SAFB2: variants seen among roughly 807,000 people sequenced by gnomAD.
SAFB2 encodes scaffold attachment factor B2.
A neutral mutation model predicts 100.6 loss-of-function variants in SAFB2; 32 were observed. That is an observed-to-expected ratio of 0.32 (90% CI 0.24 to 0.43). The LOEUF (loss-of-function observed/expected upper bound fraction) is 0.43. SAFB2 is among the 20% of genes least tolerant of loss of function. The pLI, the probability that SAFB2 is intolerant of heterozygous loss-of-function variation, is 1.00. For synonymous variants in SAFB2, 500 were observed against 439.4 expected (o/e 1.14, Z -1.72); for missense variants, 1,185 against 1,163.4 (o/e 1.02, Z -0.27).
intron 9 of SAFB2, 121 bp downstream of exon 9, chr19:5,609,874 G>A: frequency 1.2e-6 from 1 of 829,118 alleles, no homozygotes; most frequent in Non-Finnish European, 2.0e-6. Context: ...CTGGGCTCAA[G>A]CAATCCTCCT....
At chr19:5,598,193 T>C (rs1199769362) in intron 13 of SAFB2, among the ~76,000 whole-genome samples, 1 of 150,880 alleles carries the variant, frequency 6.6e-6, no homozygotes, top group Non-Finnish European at 1.5e-5. Context: ...TGGCTGAATA[T>C]GGTGAACTCC....
At chr19:5,599,898 G>A (rs1265737036) in intron 12 of SAFB2, among the ~76,000 whole-genome samples, 1 of 152,206 alleles carries the variant, frequency 6.6e-6, no homozygotes, top group Non-Finnish European at 1.5e-5. Context: ...TCAGGCAGCT[G>A]AGTTCAGCAA....
At chr19:5,612,244 T>TA (rs1451321121) in intron 6 of SAFB2, 1 of 471,022 alleles carries the variant, frequency 2.1e-6, no homozygotes, top group Non-Finnish European at 3.8e-6. Context: ...GTTTCATGTG[T>TA]AGAAACACAT....
intron 18 of SAFB2, among the ~76,000 whole-genome samples, chr19:5,588,312 G>A (rs1372680314): frequency 6.6e-6 from 1 of 152,182 alleles, no homozygotes; most frequent in Non-Finnish European, 1.5e-5. Context: ...TGGTGGAAAT[G>A]TAAAATGGTG....
intron 4 of SAFB2, among the ~76,000 whole-genome samples, chr19:5,615,607 CAG>C (rs1432795266): frequency 6.6e-6 from 1 of 151,928 alleles, no homozygotes; most frequent in Non-Finnish European, 1.5e-5. Flanking sequence ...CTCAGTTATG[CAG>C]GGGGATTGCT....
chr19:5,616,136 T>C lies in SAFB2; in HGVS notation c.539A>G (p.His180Arg). The C allele has an allele frequency of 1.2e-6, 2 of 1,614,064 alleles. No homozygotes were observed. Among genetic ancestry groups the C allele is most frequent in the Admixed American group, 1.7e-5 (1 of 60,036 alleles). The change falls in exon 4 of 21, where the codon CAT becomes CGT. Residue 180 changes from histidine (H) to arginine (R), a missense_variant. Physicochemically the swap from His to Arg is conservative, Grantham distance 29. Transcript: ENST00000252542. ...LRQLPAQPPE[H>R]AVDGEGFKNT... ...CCGTGTCTCCAAGTTACCTACAGCA[T>C]GCTCTGGGGGCTGAGCCGGGAGCTG...
chr19:5,622,415 C>T (rs1254473955), intron 1 of SAFB2, 115 bp downstream of exon 1: 12 of 1,103,062 alleles, frequency 1.1e-5, no homozygotes, highest in South Asian at 1.8e-5. Context: ...GAACCGGGGT[C>T]GGCCAAGACG....
At chr19:5,595,527 A>G in intron 13 of SAFB2, 30 bp from the exon 14 acceptor site, 1 of 1,610,172 alleles carries the variant, frequency 6.2e-7, no homozygotes, top group South Asian at 1.1e-5. Context: ...TATTAATGTC[A>G]GGAAAATGAT....
chr19:5,617,530 C>T (rs137970949), intron 2 of SAFB2, among the ~76,000 whole-genome samples: 8 of 152,216 alleles, frequency 5.3e-5, no homozygotes, highest in Admixed American at 3.9e-4. Flanking sequence ...AGATATCTGT[C>T]CTATTATACC....
intron 2 of SAFB2, among the ~76,000 whole-genome samples, chr19:5,620,964 A>G (rs1253523941): frequency 3.9e-5 from 6 of 152,188 alleles, no homozygotes; most frequent in Non-Finnish European, 8.8e-5. Flanking sequence ...GTTAAGACCT[A>G]TTTTTTGAAC....
rs925606356 is a variant in SAFB2, at chr19:5,592,854, A to T, written c.2241T>A (p.Arg747=). Residue 747 remains arginine (R), a synonymous_variant, in exon 16 of 21, where the codon CGT becomes CGA. Transcript: ENST00000252542. ...CACGATATCGGTCCTCCATTGCCAC[A>T]CGCTTTCCTTCTGGCCAATAGGCAT... ...RDDAYWPEGK[R]VAMEDRYRAD... 1.2e-6 allele frequency: 2 copies of T among 1,614,030 alleles called. No homozygotes were observed. Among genetic ancestry groups the T allele is most frequent in the African/African-American group, 2.7e-5 (2 of 74,982 alleles).
intron 9 of SAFB2, among the ~76,000 whole-genome samples, chr19:5,606,872 A>C (rs1016280042): frequency 6.6e-6 from 1 of 152,214 alleles, no homozygotes; most frequent in African/African-American, 2.4e-5. Flanking sequence ...GAGGAAGATG[A>C]TCTCCGATGG....
At chr19:5,603,297 AAAT>A (rs1365368941) in intron 11 of SAFB2, among the ~76,000 whole-genome samples, 1 of 152,216 alleles carries the variant, frequency 6.6e-6, no homozygotes, top group Non-Finnish European at 1.5e-5. Flanking sequence ...TTCCAATTAA[AAAT>A]AATAATTCCA....
chr19:5,594,202 C>G (rs1268841216), intron 14 of SAFB2, 24 bp from the exon 15 acceptor site: 1 of 1,553,096 alleles, frequency 6.4e-7, no homozygotes, highest in Non-Finnish European at 8.6e-7. Flanking sequence ...TGAGGCTGCC[C>G]TGAACTCCCT....
At chr19:5,599,439 G>A (rs1342744999) in intron 12 of SAFB2, among the ~76,000 whole-genome samples, 1 of 152,182 alleles carries the variant, frequency 6.6e-6, no homozygotes, top group African/African-American at 2.4e-5. Flanking sequence ...AATACTTGAG[G>A]AACATTTTAA....
intron 12 of SAFB2, 104 bp from the exon 13 acceptor site, chr19:5,598,988 G>C: frequency 1.0e-6 from 1 of 966,484 alleles, no homozygotes; most frequent in Non-Finnish European, 1.6e-6. Context: ...CACAAGGCGT[G>C]AGTCAAGTGA....
intron 4 of SAFB2, among the ~76,000 whole-genome samples, chr19:5,615,048 C>A (rs1250493459): frequency 6.6e-6 from 1 of 151,466 alleles, no homozygotes. Context: ...CTATCTCTAC[C>A]AAAAATATAA....
intron 15 of SAFB2, 71 bp from the exon 16 acceptor site, chr19:5,592,958 G>A: frequency 1.4e-6 from 2 of 1,480,474 alleles, no homozygotes; most frequent in Non-Finnish European, 1.9e-6. Flanking sequence ...GGAGGAGGTG[G>A]AGGTGGGGAG....
chr19:5,595,565 C>A, intron 13 of SAFB2, 68 bp from the exon 14 acceptor site: 2 of 1,572,146 alleles, frequency 1.3e-6, no homozygotes, highest in Admixed American at 1.7e-5. Context: ...GGAGATTATG[C>A]ACGTGTGCAT....
Sources: gnomAD v4.1 joint callset for allele counts (sites outside exome capture counted in the v4.1 genomes callset) on GRCh38, gnomAD v4.1.1 for gene constraint, MANE v1.5 for transcripts, NCBI Gene and HGNC (gene_info 2026-07-23, HGNC 2026-07-21) for gene names.